The following DLC1 variants were observed in gnomAD, a reference collection of about 807,000 sequenced individuals.
DLC1 encodes DLC1 Rho GTPase activating protein, also known as rho GTPase-activating protein 7.
DLC1 carries 54 observed loss-of-function variants against 140.3 expected under a neutral mutation model. That is an observed-to-expected ratio of 0.38 (90% CI 0.31 to 0.48). DLC1 has a LOEUF of 0.48. Ranked by LOEUF, DLC1 falls within the 20% of genes least tolerant of loss-of-function variation. The pLI is 0.96. For missense variants in DLC1, 2,536 were observed against 1,907.0 expected (o/e 1.33, Z -6.14); for synonymous variants, 986 against 728.1 (o/e 1.35, Z -5.70).
chr8:13,215,997 G>C (rs977431770), intron 5 of DLC1, among the ~76,000 whole-genome samples: 1 of 152,026 alleles, frequency 6.6e-6, no homozygotes, highest in African/African-American at 2.4e-5. Flanking sequence ...AAGTTTCCTA[G>C]GTGATTTTTC....
intron 4 of DLC1, among the ~76,000 whole-genome samples, chr8:13,347,272 T>A (rs771740200): frequency 6.6e-5 from 10 of 152,354 alleles, no homozygotes; most frequent in Non-Finnish European, 1.2e-4. Context: ...CTAGTCCATA[T>A]CTCTATCTTG....
rs1419270770 is a variant in DLC1 at position 13,083,394 on chromosome 8, C to T, written c.*2417G>A. 1.3e-5 allele frequency: 2 copies of T among 151,928 alleles called. No homozygotes were observed. The highest frequency in any genetic ancestry group is 2.9e-5 in the Non-Finnish European group (2 of 68,000). The allele number at this position is 151,928 out of a possible 1,614,324, so 9.4% of individuals were successfully genotyped here. ...AGCAAATAATAAATTTATTAGGTGC[C>T]TACAAGTACAAAATACTGAAAGCCG... On this transcript the variant is annotated 3_prime_UTR_variant, in exon 18 of 18. Transcript: ENST00000276297.
At chr8:13,317,923 C>G (rs903453356) in intron 4 of DLC1, among the ~76,000 whole-genome samples, 1 of 152,140 alleles carries the variant, frequency 6.6e-6, no homozygotes, top group Non-Finnish European at 1.5e-5. Context: ...GGGGAATAGG[C>G]AACACTTACT....
At chr8:13,478,146 G>A (rs1352769417) in intron 2 of DLC1, among the ~76,000 whole-genome samples, 2 of 152,198 alleles carry the variant, frequency 1.3e-5, no homozygotes, top group African/African-American at 4.8e-5. Context: ...GGTTATACAG[G>A]AAGCATGGTA....
chr8:13,486,650 T>A (rs1800981135), intron 2 of DLC1, among the ~76,000 whole-genome samples: 1 of 152,176 alleles, frequency 6.6e-6, no homozygotes, highest in South Asian at 2.1e-4. Context: ...ATTTAGTTTT[T>A]TCCAGCTGAA....
chr8:13,187,408 G>A (rs921591570), intron 5 of DLC1, among the ~76,000 whole-genome samples: 6 of 152,018 alleles, frequency 3.9e-5, no homozygotes, highest in African/African-American at 1.5e-4. Context: ...GTCCCATTGG[G>A]GCAGAGATTG....
chr8:13,280,724 A>G (rs896768996), intron 5 of DLC1, among the ~76,000 whole-genome samples: 2 of 152,232 alleles, frequency 1.3e-5, no homozygotes, highest in Non-Finnish European at 2.9e-5. Flanking sequence ...GATGAAAATC[A>G]TTTAAGACTT....
At chr8:13,521,317 A>G (rs951036794) in intron 1 of DLC1, among the ~76,000 whole-genome samples, 19 of 152,022 alleles carry the variant, frequency 1.2e-4, no homozygotes, top group African/African-American at 4.6e-4. Context: ...TACCTAGGTT[A>G]TGGGTAGATA....
chr8:13,576,106 A>G (rs995730597), intron 1 of DLC1, among the ~76,000 whole-genome samples: 1 of 152,218 alleles, frequency 6.6e-6, no homozygotes, highest in Non-Finnish European at 1.5e-5. Context: ...CCCTTAGATC[A>G]CACTCTTTAT....
intron 2 of DLC1, among the ~76,000 whole-genome samples, chr8:13,426,019 C>T (rs1838558184): frequency 6.6e-6 from 1 of 152,110 alleles, no homozygotes; most frequent in Non-Finnish European, 1.5e-5. Context: ...GGGTATGTTG[C>T]CCAGGCTGCT....
At chr8:13,393,513 A>G (rs1339841993) in intron 4 of DLC1, 40 bp downstream of exon 4, 1 of 1,585,206 alleles carries the variant, frequency 6.3e-7, no homozygotes, top group Admixed American at 1.8e-5. Context: ...GATCATCAAC[A>G]TTTACACGTA....
At position 13,150,947 on chromosome 8, in the gene DLC1, A is replaced by T. The variant is rs1035676166; in HGVS notation, c.1349-35290T>A. ...AAAGAAATACAACTTGCTACATTCT[A>T]TTAGGGACAGGTTGTAGTCAAGGCC... On this transcript the variant is annotated intron_variant, in intron 5 of 17. Coordinates refer to ENST00000276297, the MANE Select transcript of DLC1 (RefSeq NM_182643.3). 7.2e-5 allele frequency among the ~76,000 whole-genome samples: 11 copies of T among 152,218 alleles called. 1 individual carries two copies. Among genetic ancestry groups the T allele is most frequent in the Admixed American group, 4.6e-4 (7 of 15,278 alleles).
chr8:13,274,936 A>G (rs1459908713), intron 5 of DLC1, among the ~76,000 whole-genome samples: 2 of 152,234 alleles, frequency 1.3e-5, no homozygotes, highest in Admixed American at 1.3e-4. Context: ...CTTACATCTT[A>G]AACTTCTTCT....
intron 5 of DLC1, among the ~76,000 whole-genome samples, chr8:13,283,640 G>C (rs916195378): frequency 4.6e-5 from 7 of 152,132 alleles, no homozygotes; most frequent in Non-Finnish European, 7.4e-5. Context: ...GCAGCCTCCT[G>C]AGTAGCCTGG....
intron 2 of DLC1, among the ~76,000 whole-genome samples, chr8:13,439,500 A>G (rs914694121): frequency 2.0e-5 from 3 of 151,914 alleles, no homozygotes; most frequent in Middle Eastern, 3.4e-3. Context: ...TTAAATCCCT[A>G]ATGAATAAGG....
At chr8:13,375,024 G>T (rs1171657013) in intron 4 of DLC1, among the ~76,000 whole-genome samples, 2 of 115,098 alleles carry the variant, frequency 1.7e-5, no homozygotes, top group Admixed American at 1.1e-4. Context: ...AAGAATGCTT[G>T]TGATTTTTTT....
chr8:13,359,397 C>G (rs1439437588), intron 4 of DLC1, among the ~76,000 whole-genome samples: 1 of 152,132 alleles, frequency 6.6e-6, no homozygotes, highest in East Asian at 1.9e-4. Flanking sequence ...GCAAATGGGT[C>G]TTACTTCAAA....
Position 13,141,740 on chromosome 8 carries a change from C to T in DLC1, c.1349-26083G>A, listed in dbSNP as rs542961379. ...CAGATCATTAACTTACTTTAATAGT[C>T]AGCAGGAGAATGGAGCTGCCGTCTA... is the stretch of plus-strand genomic sequence containing the variant. On this transcript the variant is annotated intron_variant, in intron 5 of 17. Transcript: ENST00000276297. Among the ~76,000 whole-genome samples the T allele has an allele frequency of 1.7e-4, 26 of 152,312 alleles. 1 individual carries two copies. In the South Asian group the frequency reaches 3.5e-3, roughly 21 times the overall value.
Position 13,245,443 on chromosome 8 carries a change from G to A in DLC1, c.1348+59826C>T, listed in dbSNP as rs373964646. On this transcript the variant is annotated intron_variant, in intron 5 of 17. Transcript: ENST00000276297. The stretch of plus-strand genomic sequence containing the variant: ...GTTTTACACCACTAGGTTTTGAGGT[G>A]GTTTTGCAGCAATAGTAAAACAATG... Among the ~76,000 whole-genome samples, 8 of 152,292 alleles carry A rather than the reference G, an allele frequency of 5.3e-5. No individual in the cohort carries two copies. The South Asian group carries it at 1.7e-3, about 32-fold the overall frequency.
Sources: allele counts gnomAD v4.1 joint callset (sites outside exome capture counted in the v4.1 genomes callset), GRCh38; gene constraint gnomAD v4.1.1; transcripts MANE v1.5; gene names NCBI Gene and HGNC (gene_info 2026-07-23, HGNC 2026-07-21).